The following CCDC73 variants were observed in gnomAD, a reference collection of about 807,000 sequenced individuals.
CCDC73 encodes coiled-coil domain containing 73.
A neutral mutation model predicts 116.5 loss-of-function variants in CCDC73; 95 were observed. The observed-to-expected ratio is 0.82, with a 90% CI of 0.69 to 0.97. The LOEUF (loss-of-function observed/expected upper bound fraction) is 0.97, where lower values mean the gene tolerates loss of function less well. CCDC73 is among the 50% of genes least tolerant of loss of function. The pLI is 0.00. For synonymous variants in CCDC73, 398 were observed against 401.3 expected (o/e 0.99, Z 0.10); for missense variants, 1,066 against 1,206.8 (o/e 0.88, Z 1.73).
At position 32,614,357 on chromosome 11, in the gene CCDC73, A is replaced by G. The variant is rs772096471; in HGVS notation, c.1961T>C (p.Met654Thr). The stretch of plus-strand genomic sequence containing the variant: ...TATTTTACATTGTTTATCATCTAAC[A>G]TAACATTACTTGAATTCCGTAAACT... ...KYSLRNSSNV[M>T]LDDKQCKIKQ... The change falls in exon 16 of 18, where the codon ATG becomes ACG. Residue 654 changes from methionine to threonine, a missense_variant. Coordinates refer to ENST00000335185, the MANE Select transcript of CCDC73 (RefSeq NM_001008391.4). 1.9e-6 allele frequency: 3 copies of G among 1,611,964 alleles called. No individual in the cohort carries two copies. Among genetic ancestry groups the G allele is most frequent in the Non-Finnish European group, 1.7e-6 (2 of 1,178,512 alleles).
chr11:32,663,933 A>G (rs1855954911), intron 9 of CCDC73, among the ~76,000 whole-genome samples: 1 of 152,182 alleles, frequency 6.6e-6, no homozygotes, highest in African/African-American at 2.4e-5. Context: ...ATCTATTGAG[A>G]TAATCATGTG....
chr11:32,683,652 G>T, intron 6 of CCDC73, 78 bp from the exon 7 acceptor site: 1 of 839,750 alleles, frequency 1.2e-6, no homozygotes, highest in Admixed American at 2.1e-5. Flanking sequence ...AAAAGTGCGT[G>T]CTATAAAATG....
intron 2 of CCDC73, among the ~76,000 whole-genome samples, chr11:32,753,293 CTT>C (rs11309977): frequency 0.084 from 10,698 of 128,096 alleles, 378 homozygotes; most frequent in African/African-American, 0.17. Context: ...TTCTTTTCTG[CTT>C]TTTTTTTTTT....
At chr11:32,677,780 C>T (rs966074993) in intron 7 of CCDC73, among the ~76,000 whole-genome samples, 5 of 151,270 alleles carry the variant, frequency 3.3e-5, no homozygotes, top group African/African-American at 9.7e-5. Context: ...GGTGAAACCC[C>T]GTCTCTACTA....
At chr11:32,810,284 A>G in the CCDC73 span, among the ~76,000 whole-genome samples, 7 of 152,350 alleles carry the variant, frequency 4.6e-5, no homozygotes, top group East Asian at 1.3e-3. Flanking sequence ...TACTGTCTTC[A>G]GCTTTTCCAA....
chr11:32,654,056 T>C lies in CCDC73; in HGVS notation c.775-19A>G, dbSNP rs1195128237. 1.9e-6 allele frequency: 3 copies of C among 1,575,340 alleles called. No individual in the cohort carries two copies. Among genetic ancestry groups the C allele is most frequent in the Admixed American group, 1.8e-5 (1 of 56,466 alleles). On this transcript the variant is annotated intron_variant, in intron 10 of 17. Transcript: ENST00000335185. ...CCAATTCCTTTAAAATTTGAATAGT[T>C]TTAAAGTTATGATATAAAATTCAGC...
chr11:32,650,084 C>G (rs1855813023), intron 12 of CCDC73, among the ~76,000 whole-genome samples: 1 of 152,114 alleles, frequency 6.6e-6, no homozygotes, highest in Non-Finnish European at 1.5e-5. Context: ...TCACCATTAA[C>G]TCAGAGAAAC....
intron 14 of CCDC73, among the ~76,000 whole-genome samples, chr11:32,629,345 G>C (rs1855606266): frequency 6.6e-6 from 1 of 151,334 alleles, no homozygotes; most frequent in South Asian, 2.1e-4. Flanking sequence ...CCATACCAAG[G>C]TACATCATAA....
the CCDC73 span, among the ~76,000 whole-genome samples, chr11:32,801,599 C>A: frequency 6.6e-6 from 1 of 151,244 alleles, no homozygotes; most frequent in South Asian, 2.1e-4. Flanking sequence ...GGCAATCGCA[C>A]CACTGCACTC....
chr11:32,710,237 A>C (rs542880866), intron 3 of CCDC73, among the ~76,000 whole-genome samples: 21 of 151,006 alleles, frequency 1.4e-4, no homozygotes, highest in Non-Finnish European at 1.8e-4. Context: ...CTGGGTTTGG[A>C]TTGTTCTTGT....
chr11:32,619,024 GTTAT>G (rs1312075434), intron 14 of CCDC73, among the ~76,000 whole-genome samples: 1 of 152,106 alleles, frequency 6.6e-6, no homozygotes, highest in Non-Finnish European at 1.5e-5. Flanking sequence ...TTTTAAATAG[GTTAT>G]TTGTTTATTG....
At chr11:32,770,808 AT>A (rs1253203255) in intron 1 of CCDC73, among the ~76,000 whole-genome samples, 2 of 152,184 alleles carry the variant, frequency 1.3e-5, no homozygotes, top group Non-Finnish European at 2.9e-5. Flanking sequence ...TCAAAAAGAA[AT>A]TGTTCAGGTT....
At chr11:32,764,581 C>A (rs1199527140) in intron 1 of CCDC73, among the ~76,000 whole-genome samples, 6 of 152,144 alleles carry the variant, frequency 3.9e-5, no homozygotes, top group Non-Finnish European at 8.8e-5. Flanking sequence ...TTTGTCACCA[C>A]CAGGCCTGCC....
At chr11:32,639,479 TCA>T (rs1354421623) in intron 13 of CCDC73, among the ~76,000 whole-genome samples, 1 of 151,914 alleles carries the variant, frequency 6.6e-6, no homozygotes, top group Non-Finnish European at 1.5e-5. Context: ...AGATGGAGTC[TCA>T]CTCTGTTGCC....
the CCDC73 span, among the ~76,000 whole-genome samples, chr11:32,821,485 T>C: frequency 6.6e-6 from 1 of 152,214 alleles, no homozygotes; most frequent in African/African-American, 2.4e-5. Flanking sequence ...AACTTCTATA[T>C]TATTTGGATG....
chr11:32,625,936 C>A (rs1287716932), intron 14 of CCDC73, among the ~76,000 whole-genome samples: 6 of 140,188 alleles, frequency 4.3e-5, no homozygotes, highest in Non-Finnish European at 9.6e-5. Context: ...GGGATGCCCT[C>A]TCTCACCGTT....
chr11:32,801,068 A>G, the CCDC73 span, among the ~76,000 whole-genome samples: 1 of 152,288 alleles, frequency 6.6e-6, no homozygotes, highest in African/African-American at 2.4e-5. Context: ...ATAGGCAGCG[A>G]GATTGCTTTT....
At chr11:32,809,866 T>C in the CCDC73 span, among the ~76,000 whole-genome samples, 672 of 152,296 alleles carry the variant, frequency 4.4e-3, 5 homozygotes, top group Non-Finnish European at 7.3e-3. Context: ...CTGCTTACCA[T>C]CCTGAATAAC....
At chr11:32,694,121 A>C (rs1365844387) in intron 6 of CCDC73, among the ~76,000 whole-genome samples, 1 of 152,226 alleles carries the variant, frequency 6.6e-6, no homozygotes, top group South Asian at 2.1e-4. Context: ...GAGGAAGTCA[A>C]ATTGTCCCTG....
Sources: gnomAD v4.1 joint callset for allele counts (sites outside exome capture counted in the v4.1 genomes callset) on GRCh38, gnomAD v4.1.1 for gene constraint, MANE v1.5 for transcripts, NCBI Gene and HGNC (gene_info 2026-07-23, HGNC 2026-07-21) for gene names.